The following ZNF229 variants were observed in gnomAD, a reference collection of about 807,000 sequenced individuals.
The protein encoded by ZNF229 is zinc finger protein 229.
Under a neutral mutation model 11.8 loss-of-function variants are expected in ZNF229, and 10 were observed. That is an observed-to-expected ratio of 0.85 (90% CI 0.52 to 1.44). The LOEUF is 1.44. ZNF229 is among the 40% of genes most tolerant of loss of function. The pLI is 0.00. For synonymous variants in ZNF229, 368 were observed against 374.8 expected, an observed-to-expected ratio of 0.98 and a Z score of 0.21; for missense variants, 1,045 against 1,015.1, an observed-to-expected ratio of 1.03 and a Z score of -0.40.
In ZNF229 at chr19:44,429,917, C is replaced by T. The variant is rs1971681886; in HGVS notation, c.864G>A (p.Leu288=). 6.2e-7 allele frequency: 1 copy of T among 1,614,062 alleles called. No individual in the cohort carries two copies. Among genetic ancestry groups the T allele is most frequent in the Non-Finnish European group, 8.5e-7 (1 of 1,180,002 alleles). The change falls in exon 6 of 6, where the codon TTG becomes TTA. Residue 288 remains leucine (L), a synonymous_variant. Transcript: ENST00000614049. ...ADLPPHPRVP[L]KEKLCQYDEF... ...CATCATATTGACAGAGTTTCTCTTT[C>T]AAAGGTACTCTTGGATGCGGGGGAA...
At position 44,428,997 on chromosome 19, in the gene ZNF229, G is replaced by A. The variant is rs907144421; in HGVS notation, c.1784C>T (p.Thr595Met). 5.6e-6 allele frequency: 9 copies of A among 1,613,540 alleles called. No individual in the cohort carries two copies. Among genetic ancestry groups the A allele is most frequent in the African/African-American group, 4.0e-5 (3 of 74,672 alleles). The change falls in exon 6 of 6, where the codon ACG becomes ATG. Residue 595 changes from threonine to methionine, a missense_variant. Coordinates refer to ENST00000614049, the MANE Select transcript of ZNF229 (RefSeq NM_014518.4). The stretch of plus-strand genomic sequence containing the variant: ...GTCACACACGTAGGGCCTCTCTCCC[G>A]TGTGGACCCTCTGGTGGCTGTGAAG... The part of the protein sequence containing the change: ...SDLHSHQRVH[T>M]GERPYVCDVC...
rs562639700 is a variant in ZNF229, at chr19:44,430,266, T to G, written c.515A>C (p.Gln172Pro). 6.2e-7 allele frequency: 1 copy of G among 1,614,128 alleles called. No individual in the cohort carries two copies. Among genetic ancestry groups the G allele is most frequent in the Non-Finnish European group, 8.5e-7 (1 of 1,180,036 alleles). The part of the protein sequence containing the change: ...GDGLIGLENQ[Q>P]FPAWRAIRPI... Reference sequence around the variant, plus strand: ...TCTTATAGCTCTCCAGGCTGGAAACTGTTGATTTTCTAGACCGATAAGCCC... The same window carrying G: ...TCTTATAGCTCTCCAGGCTGGAAACGGTTGATTTTCTAGACCGATAAGCCC... The change falls in exon 6 of 6, where the codon CAG becomes CCG. Residue 172 changes from glutamine (Q) to proline (P), a missense_variant. By Grantham distance (76) the Gln-to-Pro change is moderately conservative. Transcript: ENST00000614049.
intron 4 of ZNF229, among the ~76,000 whole-genome samples, chr19:44,441,386 T>C (rs1971906025): frequency 6.6e-6 from 1 of 152,198 alleles, no homozygotes. Flanking sequence ...ATCTTCAAAA[T>C]TATTTCACAA....
At chr19:44,430,651 T>C in intron 5 of ZNF229, 109 bp from the exon 6 acceptor site, 1 of 1,045,816 alleles carries the variant, frequency 9.6e-7, no homozygotes. Context: ...TTAGGCTTTA[T>C]GTATCATAAC....
rs201533514 is a variant in ZNF229 at position 44,429,338 on chromosome 19, C to A, written c.1443G>T (p.Lys481Asn). 4.1e-4 allele frequency: 660 copies of A among 1,614,128 alleles called. 7 individuals are homozygous for A. The Middle Eastern group carries it at 0.014, about 35-fold the overall frequency. ...SCSSHLSSHQKTHTGERPYQC... is the reference protein window; with the variant it reads ...SCSSHLSSHQNTHTGERPYQC... ...GGTAGGGCCTCTCGCCGGTGTGTGT[C>A]TTCTGATGACTGCTGAGGTGGGAGC... The change falls in exon 6 of 6, where the codon AAG becomes AAT. Residue 481 changes from lysine to asparagine, a missense_variant. Lys to Asn is a moderately conservative substitution (Grantham distance 94, BLOSUM62 0). Coordinates refer to ENST00000614049, the MANE Select transcript of ZNF229 (RefSeq NM_014518.4).
rs775388996 is a variant in ZNF229 at position 44,429,845 on chromosome 19, T to C, written c.936A>G (p.Gln312=). Residue 312 remains glutamine, a synonymous_variant, in exon 6 of 6, where the codon CAA becomes CAG. Coordinates refer to ENST00000614049, the MANE Select transcript of ZNF229 (RefSeq NM_014518.4). ...LRHSAHLNRH[Q]RVPTGEKSVK... Reference sequence around the variant, plus strand: ...CAGATTTCTCTCCTGTGGGAACTCTTTGATGTCTGTTAAGATGGGCACTGT... The same window carrying C: ...CAGATTTCTCTCCTGTGGGAACTCTCTGATGTCTGTTAAGATGGGCACTGT... The C allele has an allele frequency of 6.2e-7, 1 of 1,613,992 alleles. No homozygotes were observed. The highest frequency in any genetic ancestry group is 1.7e-5 in the Admixed American group (1 of 60,016).
chr19:44,430,614 T>G (rs1971706221), intron 5 of ZNF229, 72 bp from the exon 6 acceptor site: 3 of 1,401,294 alleles, frequency 2.1e-6, no homozygotes, highest in Non-Finnish European at 2.9e-6. Context: ...ACTTTCAGAC[T>G]TGAACTAATA....
intron 2 of ZNF229, among the ~76,000 whole-genome samples, chr19:44,445,762 C>T (rs1159827062): frequency 6.6e-6 from 1 of 152,192 alleles, no homozygotes; most frequent in Non-Finnish European, 1.5e-5. Flanking sequence ...TCTATGAGGG[C>T]CAGTATTTCA....
At position 44,430,216 on chromosome 19, in the gene ZNF229, C is replaced by T; in HGVS notation, c.565G>A (p.Ala189Thr). Residue 189 changes from alanine (A) to threonine (T), a missense_variant, in exon 6 of 6, where the codon GCA (alanine) becomes ACA (threonine). Physicochemically the swap from Ala to Thr is moderately conservative, Grantham distance 58. Transcript: ENST00000614049. The stretch of plus-strand genomic sequence containing the variant: ...CCTAACTGGTTCACAAACGCTTTTG[C>T]CCAAGATCCTTGAATGGGGATTGGT... ...IRPIPIQGSW[A>T]KAFVNQLGDV... 3 of 1,614,098 alleles carry T rather than the reference C, an allele frequency of 1.9e-6. No individual in the cohort carries two copies. The highest frequency in any genetic ancestry group is 2.5e-6 in the Non-Finnish European group (3 of 1,180,028).
Position 44,435,756 on chromosome 19 carries a change from T to C in ZNF229, c.94-3390A>G, listed in dbSNP as rs146718575. The stretch of plus-strand genomic sequence containing the variant: ...AGAAAGTAAAACTGGATCTAAATTC[T>C]GAGGCATAAGTAGAAATTAACTGAG... On this transcript the variant is annotated intron_variant, in intron 4 of 5. Transcript: ENST00000614049. Among the ~76,000 whole-genome samples the C allele has an allele frequency of 8.1e-3, 1,238 of 152,346 alleles. 16 individuals are homozygous for C. The highest frequency in any genetic ancestry group is 0.024 in the Middle Eastern group (7 of 294).
intron 4 of ZNF229, among the ~76,000 whole-genome samples, chr19:44,441,047 A>AGAGGATACTATAGCC (rs1480501079): frequency 6.6e-6 from 1 of 152,136 alleles, no homozygotes; most frequent in African/African-American, 2.4e-5. Flanking sequence ...GGAAAAATGC[A>AGAGGATACTATAGCC]GAGGATACTA....
At chr19:44,432,696 G>A (rs573928762) in intron 4 of ZNF229, among the ~76,000 whole-genome samples, 1 of 151,770 alleles carries the variant, frequency 6.6e-6, no homozygotes, top group African/African-American at 2.4e-5. Context: ...GTTGTGGGGT[G>A]GGGGGAGTGG....
chr19:44,436,874 T>G (rs1234307870), intron 4 of ZNF229, among the ~76,000 whole-genome samples: 1 of 152,152 alleles, frequency 6.6e-6, no homozygotes, highest in South Asian at 2.1e-4. Context: ...ATTGCTGTAT[T>G]TCCTTCTGTC....
intron 4 of ZNF229, among the ~76,000 whole-genome samples, chr19:44,436,413 A>G (rs1568405679): frequency 6.6e-6 from 1 of 151,902 alleles, no homozygotes. Flanking sequence ...CCATAAAAAA[A>G]GGGCACCATT....
At position 44,427,296 on chromosome 19, in the gene ZNF229, C is replaced by A. The variant is rs1971595150; in HGVS notation, c.*1007G>T. 7.0e-6 allele frequency: 1 copy of A among 143,422 alleles called. No individual in the cohort carries two copies. The highest frequency in any genetic ancestry group is 2.6e-5 in the African/African-American group (1 of 37,972). 8.9% of individuals were successfully genotyped at this position (143,422 alleles called of 1,614,324 possible). On this transcript the variant is annotated 3_prime_UTR_variant, in exon 6 of 6. Transcript: ENST00000614049. ...GATGATTCTATTTTAATACTGCTAA[C>A]CTGCAGGGTGAAATAGCATTTGTGA...
chr19:44,439,090 C>T (rs150290662), intron 4 of ZNF229, among the ~76,000 whole-genome samples: 171 of 152,176 alleles, frequency 1.1e-3, no homozygotes, highest in Non-Finnish European at 1.7e-3. Context: ...ACACTACCTC[C>T]GGGCAGACAG....
At chr19:44,447,279 C>CCCT (rs10530815) in intron 2 of ZNF229, among the ~76,000 whole-genome samples, 29,953 of 152,106 alleles carry the variant, frequency 0.2, 3,080 homozygotes, top group East Asian at 0.35. Context: ...TGCGTTTCTT[C>CCCT]AGCATGGCGC....
At position 44,432,030 on chromosome 19, in the gene ZNF229, T is replaced by C; in HGVS notation, c.238+192A>G. ...GAGGGTCCTCACCAGAACCCAACTA[T>C]GCTGGCACCCTGATCTCAGACTGTG... On this transcript the variant is annotated intron_variant, in intron 5 of 5. Transcript: ENST00000614049. 8.5e-6 allele frequency: 10 copies of C among 1,176,928 alleles called. No individual in the cohort carries two copies. The South Asian group carries it at 1.5e-4, about 18-fold the overall frequency. The allele number at this position is 1,176,928 out of a possible 1,614,324, so 72.9% of individuals were successfully genotyped here. A position where few individuals can be genotyped will look rare whatever the true frequency, so the allele number is the denominator to read the frequency against.
chr19:44,437,268 G>A (rs1971831589), intron 4 of ZNF229, among the ~76,000 whole-genome samples: 1 of 152,048 alleles, frequency 6.6e-6, no homozygotes, highest in Non-Finnish European at 1.5e-5. Context: ...TTTCAAAAGG[G>A]AACTAATAAA....
Sources: gnomAD v4.1 joint callset for allele counts (sites outside exome capture counted in the v4.1 genomes callset) on GRCh38, gnomAD v4.1.1 for gene constraint, MANE v1.5 for transcripts, NCBI Gene and HGNC (gene_info 2026-07-23, HGNC 2026-07-21) for gene names.